Variants in FRMD6 observed in about 807,000 individuals in gnomAD.
FRMD6 encodes FERM domain containing 6.
In FRMD6, 37 loss-of-function variants were observed where a neutral mutation model predicts 73.2. That is an observed-to-expected ratio of 0.51 (90% CI 0.39 to 0.66). FRMD6 has a LOEUF of 0.66. Among genes scored for constraint, FRMD6 ranks in the 30% least tolerant of loss-of-function variants. The pLI is 0.00. For synonymous variants in FRMD6, 273 were observed against 282.2 expected (o/e 0.97, Z 0.33); for missense variants, 714 against 780.5 (o/e 0.91, Z 1.02).
At chr14:51,572,753 G>T (rs552913571) in intron 2 of FRMD6, among the ~76,000 whole-genome samples, 6 of 152,300 alleles carry the variant, frequency 3.9e-5, no homozygotes, top group African/African-American at 1.4e-4. Context: ...TGGTTGAAAA[G>T]GGAGCAAAAT....
chr14:51,634,719 C>G (rs756974420), intron 2 of FRMD6, among the ~76,000 whole-genome samples: 4 of 152,154 alleles, frequency 2.6e-5, no homozygotes, highest in Non-Finnish European at 1.5e-5. Flanking sequence ...TGGAGGCAGC[C>G]TAGTTAGTAT....
At chr14:51,696,866 G>A (rs8010002) in intron 2 of FRMD6, among the ~76,000 whole-genome samples, 106,592 of 151,958 alleles carry the variant, frequency 0.7, 37,574 homozygotes, top group Non-Finnish European at 0.71. Context: ...TTCCTTGAAA[G>A]GATACTTGTC....
intron 2 of FRMD6, among the ~76,000 whole-genome samples, chr14:51,624,075 C>T (rs187368478): frequency 6.6e-6 from 1 of 152,028 alleles, no homozygotes; most frequent in Admixed American, 6.6e-5. Flanking sequence ...CGCATGTTCT[C>T]ACTTACAATT....
the FRMD6 span, among the ~76,000 whole-genome samples, chr14:51,420,893 C>A: frequency 1.3e-5 from 2 of 152,150 alleles, no homozygotes; most frequent in African/African-American, 2.4e-5. Context: ...TCTGCCTCAG[C>A]CTCCCGATTA....
chr14:51,644,353 T>TCACACACA (rs375341468), intron 2 of FRMD6, among the ~76,000 whole-genome samples: 6,503 of 142,042 alleles, frequency 0.046, 210 homozygotes, highest in Middle Eastern at 0.077. Context: ...GCCTCACCCT[T>TCACACACA]CACACACACA....
chr14:51,540,283 A>G (rs891163482), intron 1 of FRMD6, among the ~76,000 whole-genome samples: 6 of 152,172 alleles, frequency 3.9e-5, no homozygotes, highest in African/African-American at 1.4e-4. Context: ...TCCATGTTCC[A>G]GTTGTCAGGC....
chr14:51,520,534 C>T (rs529845884), intron 1 of FRMD6, among the ~76,000 whole-genome samples: 58 of 152,150 alleles, frequency 3.8e-4, no homozygotes, highest in Middle Eastern at 3.4e-3. Context: ...CTAGAAACAC[C>T]GAAATGTCCA....
chr14:51,572,511 T>G (rs1264135773), intron 2 of FRMD6, among the ~76,000 whole-genome samples: 1 of 152,194 alleles, frequency 6.6e-6, no homozygotes, highest in African/African-American at 2.4e-5. Context: ...TGTAGATGGC[T>G]TTGGTGAGAG....
At chr14:51,398,827 A>G in the FRMD6 span, among the ~76,000 whole-genome samples, 1 of 152,090 alleles carries the variant, frequency 6.6e-6, no homozygotes, top group Admixed American at 6.6e-5. Context: ...CCCGACTCCA[A>G]ATTATCCTAT....
At chr14:51,429,865 C>A in the FRMD6 span, among the ~76,000 whole-genome samples, 1 of 152,110 alleles carries the variant, frequency 6.6e-6, no homozygotes, top group South Asian at 2.1e-4. Context: ...GGGAGAAATT[C>A]TTTTCACAGA....
chr14:51,569,507 C>CTTTTTTTTTTTTTTT (rs34661155), intron 1 of FRMD6, among the ~76,000 whole-genome samples: 9 of 122,798 alleles, frequency 7.3e-5, no homozygotes, highest in Non-Finnish European at 1.2e-4. Context: ...TTCTTTCTTT[C>CTTTTTTTTTTTTTTT]TTTTTTTTTT....
chr14:51,686,902 A>G (rs1362317896), intron 1 of FRMD6, among the ~76,000 whole-genome samples: 2 of 152,170 alleles, frequency 1.3e-5, no homozygotes, highest in Non-Finnish European at 2.9e-5. Flanking sequence ...CTATTTTGCC[A>G]TTTCATTGGA....
At chr14:51,540,184 A>G (rs546948657) in intron 1 of FRMD6, among the ~76,000 whole-genome samples, 2 of 152,270 alleles carry the variant, frequency 1.3e-5, no homozygotes, top group Admixed American at 6.5e-5. Context: ...CCAAGAGAAG[A>G]CTAGCTCAGG....
chr14:51,595,661 A>G (rs1456177754), intron 2 of FRMD6, among the ~76,000 whole-genome samples: 1 of 152,224 alleles, frequency 6.6e-6, no homozygotes, highest in Non-Finnish European at 1.5e-5. Flanking sequence ...TGGAAAAGCC[A>G]ATTAATGAGG....
intron 1 of FRMD6, among the ~76,000 whole-genome samples, chr14:51,543,162 T>C (rs2139383026): frequency 6.6e-6 from 1 of 152,130 alleles, no homozygotes; most frequent in East Asian, 1.9e-4. Flanking sequence ...TTTATGACCA[T>C]GATTATAGCA....
At chr14:51,701,766 G>A (rs1182183687) in intron 4 of FRMD6, among the ~76,000 whole-genome samples, 1 of 151,548 alleles carries the variant, frequency 6.6e-6, no homozygotes, top group African/African-American at 2.4e-5. Flanking sequence ...TAAATGAAAA[G>A]TATGGAAAAA....
At chr14:51,546,714 T>G (rs1411377194) in intron 1 of FRMD6, 1 of 152,050 alleles carries the variant, frequency 6.6e-6, no homozygotes, top group Non-Finnish European at 1.5e-5. Flanking sequence ...TGGCAACTCA[T>G]GTATACATGT....
At chr14:51,449,634 C>G in the FRMD6 span, among the ~76,000 whole-genome samples, 1 of 152,030 alleles carries the variant, frequency 6.6e-6, no homozygotes, top group African/African-American at 2.4e-5. Flanking sequence ...CAAATTCTCT[C>G]AATTAAATTA....
chr14:51,701,790 T>C (rs1896340450), intron 4 of FRMD6, among the ~76,000 whole-genome samples: 1 of 151,814 alleles, frequency 6.6e-6, no homozygotes, highest in Non-Finnish European at 1.5e-5. Flanking sequence ...TTTGCTCTTC[T>C]TTTTTGGCTA....
Sources: gnomAD v4.1 joint callset for allele counts (sites outside exome capture counted in the v4.1 genomes callset) on GRCh38, gnomAD v4.1.1 for gene constraint, MANE v1.5 for transcripts, NCBI Gene and HGNC (gene_info 2026-07-23, HGNC 2026-07-21) for gene names.